Variants in TTC6 observed in about 807,000 individuals in gnomAD.
TTC6 encodes the protein tetratricopeptide repeat domain 6.
In TTC6, 172 loss-of-function variants were observed where a neutral mutation model predicts 210.4. That is an observed-to-expected ratio of 0.82 (90% CI 0.72 to 0.93). TTC6 has a LOEUF of 0.93. Ranked by LOEUF, TTC6 falls within the 40% of genes least tolerant of loss-of-function variation. The probability of loss-of-function intolerance (pLI) is 0.00; values close to 1 mark genes in which losing one functional copy is unlikely to be tolerated. For missense variants in TTC6, 2,414 were observed against 2,318.1 expected (o/e 1.04, Z -0.85); for synonymous variants, 804 against 819.6 (o/e 0.98, Z 0.32).
At chr14:37,665,840 A>G (rs531014804) in intron 1 of TTC6, among the ~76,000 whole-genome samples, 1 of 150,352 alleles carries the variant, frequency 6.7e-6, no homozygotes, top group Admixed American at 6.6e-5. Flanking sequence ...GTGATGAGAT[A>G]CTCAGACTCC....
intron 1 of TTC6, among the ~76,000 whole-genome samples, chr14:37,653,489 G>A (rs997168841): frequency 6.6e-6 from 1 of 152,142 alleles, no homozygotes; most frequent in Non-Finnish European, 1.5e-5. Context: ...TTTTCTGAGA[G>A]GATGTTTTCA....
intron 16 of TTC6, 67 bp from the exon 19 acceptor site, chr14:37,792,197 C>T: frequency 8.0e-7 from 1 of 1,253,370 alleles, no homozygotes; most frequent in Non-Finnish European, 1.1e-6. Context: ...CAGTTTATTC[C>T]TAATTGGAGA....
At chr14:37,735,607 C>T (rs1267170893) in intron 7 of TTC6, among the ~76,000 whole-genome samples, 1 of 152,106 alleles carries the variant, frequency 6.6e-6, no homozygotes, top group Non-Finnish European at 1.5e-5. Context: ...TAATATGCTA[C>T]ATAAATTCAG....
At chr14:37,710,531 A>G (rs2095842969) in intron 5 of TTC6, among the ~76,000 whole-genome samples, 1 of 152,092 alleles carries the variant, frequency 6.6e-6, no homozygotes, top group Non-Finnish European at 1.5e-5. Context: ...AACTCCCTCA[A>G]TGATCATAAA....
chr14:37,783,507 T>C lies in TTC6; in HGVS notation c.3267-3961T>C, dbSNP rs148668237. Among the ~76,000 whole-genome samples the C allele has an allele frequency of 9.6e-3, 1,459 of 152,322 alleles. 13 individuals are homozygous for C. Among genetic ancestry groups the C allele is most frequent in the Middle Eastern group, 0.048 (14 of 294 alleles). ...TTTATTATTTTTTATTGCATCTATT[T>C]GATTCTTCTTCCTTTTTTTCTTTAT... is the stretch of plus-strand genomic sequence containing the variant. On this transcript the variant is annotated intron_variant, in intron 14 of 30. Transcript: ENST00000553443.
chr14:37,686,321 T>G (rs2138583125), intron 3 of TTC6, among the ~76,000 whole-genome samples: 1 of 152,252 alleles, frequency 6.6e-6, no homozygotes, highest in Non-Finnish European at 1.5e-5. Context: ...TCAATAAACA[T>G]TAGTTATTGC....
chr14:37,596,259 CA>C (rs2095604284), intron 1 of TTC6, among the ~76,000 whole-genome samples: 1 of 152,212 alleles, frequency 6.6e-6, no homozygotes, highest in Admixed American at 6.5e-5. Flanking sequence ...AGGAAAAGGT[CA>C]GGGGGAGGGG....
intron 2 of TTC6, among the ~76,000 whole-genome samples, chr14:37,610,647 A>T (rs956928710): frequency 6.6e-6 from 1 of 152,210 alleles, no homozygotes; most frequent in Non-Finnish European, 1.5e-5. Context: ...AAAAAGCAGA[A>T]TGTTAACTAG....
At chr14:37,841,497 T>C (rs2096209920) in exon 30 of TTC6, 1 of 1,596,390 alleles carries the variant, frequency 6.3e-7, no homozygotes. Flanking sequence ...AATGAATATG[T>C]TCTCATGAAT....
chr14:37,749,725 G>A (rs1345304076), exon 12 of TTC6: 1 of 1,428,768 alleles, frequency 7.0e-7, no homozygotes, highest in Non-Finnish European at 9.1e-7. Flanking sequence ...TAATACTCTT[G>A]GAACCATTGT....
chr14:37,709,674 C>T (rs1474365926), intron 5 of TTC6, among the ~76,000 whole-genome samples: 1 of 144,458 alleles, frequency 6.9e-6, no homozygotes, highest in Non-Finnish European at 1.5e-5. Context: ...CAATTTTCCC[C>T]TTCCCAATCA....
At chr14:37,624,823 A>G (rs1350144119) in intron 1 of TTC6, among the ~76,000 whole-genome samples, 1 of 151,902 alleles carries the variant, frequency 6.6e-6, no homozygotes, top group East Asian at 1.9e-4. Flanking sequence ...GGGTTTCACC[A>G]TGTTAGCCAG....
At position 37,826,210 on chromosome 14, in the gene TTC6, CAG is replaced by C. The variant is rs767130754; in HGVS notation, c.4992_4993del (p.Lys1665SerfsTer12). ...ATTATTTTAGGCCCAAGGAAAATTCCAGAAAGCTTGGAACCACTTTACCATTG... is the reference window on the plus strand; with the variant it reads ...ATTATTTTAGGCCCAAGGAAAATTCCAAAGCTTGGAACCACTTTACCATTG... On this transcript the variant is annotated frameshift_variant, in exon 28 of 31. Transcript: ENST00000553443. LOFTEE classifies it high-confidence loss of function. The C allele has an allele frequency of 6.3e-7, 1 of 1,594,030 alleles. No individual in the cohort carries two copies. The highest frequency in any genetic ancestry group is 1.1e-5 in the South Asian group (1 of 87,022).
chr14:37,794,459 G>A (rs962481199), intron 17 of TTC6, among the ~76,000 whole-genome samples: 2 of 151,440 alleles, frequency 1.3e-5, no homozygotes, highest in Admixed American at 1.3e-4. Context: ...ATTTTGCTCT[G>A]GTCTGTAGAG....
intron 14 of TTC6, among the ~76,000 whole-genome samples, chr14:37,762,084 C>T (rs887252170): frequency 1.1e-4 from 16 of 152,086 alleles, no homozygotes; most frequent in African/African-American, 3.6e-4. Context: ...TATTTTTCTC[C>T]GCCTGGCTTA....
At chr14:37,674,750 C>T (rs1043162416) in intron 1 of TTC6, among the ~76,000 whole-genome samples, 8 of 152,062 alleles carry the variant, frequency 5.3e-5, no homozygotes, top group South Asian at 2.1e-4. Flanking sequence ...TTGAATAAAG[C>T]GCATTATTTT....
chr14:37,600,030 C>T (rs949203025), intron 1 of TTC6, among the ~76,000 whole-genome samples: 1 of 152,220 alleles, frequency 6.6e-6, no homozygotes, highest in African/African-American at 2.4e-5. Flanking sequence ...CTGAAAGGAT[C>T]CTCGGGCTTT....
chr14:37,808,845 T>G (rs755772179), exon 24 of TTC6: 70 of 1,456,076 alleles, frequency 4.8e-5, no homozygotes, highest in Non-Finnish European at 5.9e-5. Flanking sequence ...GAACTTCAAA[T>G]GGTAAGATGA....
At chr14:37,655,936 G>A (rs904223193) in intron 1 of TTC6, among the ~76,000 whole-genome samples, 1 of 151,800 alleles carries the variant, frequency 6.6e-6, no homozygotes, top group African/African-American at 2.4e-5. Context: ...TTTGTTGTGA[G>A]GACTAAGTGA....
Sources: gnomAD v4.1 joint callset for allele counts (sites outside exome capture counted in the v4.1 genomes callset) on GRCh38, gnomAD v4.1.1 for gene constraint, MANE v1.5 for transcripts, NCBI Gene and HGNC (gene_info 2026-07-23, HGNC 2026-07-21) for gene names.